The following CRB1 variants were observed in gnomAD, a reference collection of about 807,000 sequenced individuals.
The protein encoded by CRB1 is crumbs cell polarity complex component 1, also known as protein crumbs homolog 1.
In CRB1, 83 loss-of-function variants were observed where a neutral mutation model predicts 120.0. That is an observed-to-expected ratio of 0.69 (90% CI 0.58 to 0.83). The LOEUF is 0.83. Among genes scored for constraint, CRB1 ranks in the 40% least tolerant of loss-of-function variants. CRB1 has a pLI of 0.00. For synonymous variants in CRB1, 625 were observed against 612.5 expected (o/e 1.02, Z -0.30); for missense variants, 1,699 against 1,687.6 (o/e 1.01, Z -0.12).
chr1:197,213,373 G>T, the CRB1 span, among the ~76,000 whole-genome samples: 1 of 152,164 alleles, frequency 6.6e-6, no homozygotes, highest in African/African-American at 2.4e-5. Context: ...ATTTGGGGGA[G>T]CTTCTCCCTA....
At chr1:197,321,031 C>T (rs932390047) in intron 1 of CRB1, among the ~76,000 whole-genome samples, 1 of 152,194 alleles carries the variant, frequency 6.6e-6, no homozygotes, top group Non-Finnish European at 1.5e-5. Flanking sequence ...ACAAGCTATT[C>T]CCATTTCCCT....
rs1420941782 is a variant in CRB1, at chr1:197,328,818, C to A, written c.467C>A (p.Pro156His). 1 of 1,614,104 alleles carries A rather than the reference C, an allele frequency of 6.2e-7. No homozygotes were observed. Among genetic ancestry groups the A allele is most frequent in the Non-Finnish European group, 8.5e-7 (1 of 1,180,008 alleles). The change falls in exon 2 of 12, where the codon CCT (proline) becomes CAT (histidine). Residue 156 changes from proline to histidine, a missense_variant. Physicochemically the swap from Pro to His is moderately conservative, Grantham distance 77 (BLOSUM62 -2). Coordinates refer to ENST00000367400, the MANE Select transcript of CRB1 (RefSeq NM_201253.3). The part of the protein sequence containing the change: ...EIDHDECASS[P>H]CQNGAVCQDG... The stretch of plus-strand genomic sequence containing the variant: ...GATCACGATGAGTGTGCTTCCAGCC[C>A]TTGCCAAAATGGGGCCGTGTGCCAG...
the CRB1 span, among the ~76,000 whole-genome samples, chr1:197,203,450 C>CGAGTAGT: frequency 6.6e-6 from 1 of 152,058 alleles, no homozygotes; most frequent in Non-Finnish European, 1.5e-5. Flanking sequence ...CTCAGCCTCC[C>CGAGTAGT]GAGTAGTGTG....
At chr1:197,219,055 A>G in the CRB1 span, among the ~76,000 whole-genome samples, 1 of 152,186 alleles carries the variant, frequency 6.6e-6, no homozygotes, top group South Asian at 2.1e-4. Flanking sequence ...GCCCAAGTGA[A>G]TTGAAAGTGC....
chr1:197,342,827 G>A (rs1047984637), intron 2 of CRB1, among the ~76,000 whole-genome samples: 2 of 152,130 alleles, frequency 1.3e-5, no homozygotes, highest in Non-Finnish European at 1.5e-5. Flanking sequence ...ATCCAACCTC[G>A]TTGTTAGTAG....
chr1:197,346,094 G>A (rs1037838327), intron 3 of CRB1, among the ~76,000 whole-genome samples: 2 of 152,140 alleles, frequency 1.3e-5, no homozygotes, highest in African/African-American at 4.8e-5. Context: ...CAATGGAAAT[G>A]TAAACAAGGC....
At chr1:197,460,610 T>A (rs1008743246) in intron 11 of CRB1, among the ~76,000 whole-genome samples, 1 of 152,092 alleles carries the variant, frequency 6.6e-6, no homozygotes, top group Non-Finnish European at 1.5e-5. Context: ...TATTTCCACT[T>A]TACAGATGCT....
At chr1:197,263,232 T>C (rs962657417), upstream of CRB1, among the ~76,000 whole-genome samples, 14 of 152,206 alleles carry the variant, frequency 9.2e-5, no homozygotes, top group Admixed American at 2.6e-4. Context: ...CTGACTGGTG[T>C]GAGATGGCAT....
chr1:197,242,115 T>C, the CRB1 span, among the ~76,000 whole-genome samples: 5 of 152,296 alleles, frequency 3.3e-5, no homozygotes, highest in Admixed American at 2.6e-4. Flanking sequence ...TTTCTAAATA[T>C]ACAATTATGT....
rs1659638500 is a variant in CRB1 at position 197,344,262 on chromosome 1, G to A, written c.653-19G>A. The A allele has an allele frequency of 6.2e-7, 1 of 1,613,230 alleles. No homozygotes were observed. Among genetic ancestry groups the A allele is most frequent in the African/African-American group, 1.3e-5 (1 of 74,906 alleles). On this transcript the variant is annotated intron_variant, in intron 2 of 11. Coordinates refer to ENST00000367400, the MANE Select transcript of CRB1 (RefSeq NM_201253.3). Reference sequence around the variant, plus strand: ...TGCTAAAACTTTTTCTGTTTTTTCTGTGCTGACTTTTTTAAAAGGTGTAAA... The same window carrying A: ...TGCTAAAACTTTTTCTGTTTTTTCTATGCTGACTTTTTTAAAAGGTGTAAA...
At chr1:197,237,942 T>A in the CRB1 span, among the ~76,000 whole-genome samples, 1 of 152,182 alleles carries the variant, frequency 6.6e-6, no homozygotes, top group African/African-American at 2.4e-5. Flanking sequence ...TAGCTTCAAT[T>A]ATGGATTTGA....
intron 3 of CRB1, 134 bp from the exon 4 acceptor site, chr1:197,347,206 T>C (rs1208092429): frequency 7.5e-6 from 6 of 803,224 alleles, no homozygotes; most frequent in Non-Finnish European, 1.3e-5. Flanking sequence ...CCTGTATAGA[T>C]AATTCCCCAG....
Position 197,276,183 on chromosome 1 carries a change from ATGCTGTATCCCATAC to A in CRB1, c.70+7728_70+7742del, listed in dbSNP as rs557638248. 6.6e-5 allele frequency among the ~76,000 whole-genome samples: 10 copies of A among 151,958 alleles called. No individual in the cohort carries two copies. The Middle Eastern group carries it at 0.01, about 155-fold the overall frequency. On this transcript the variant is annotated intron_variant, in intron 1 of 11. Transcript: ENST00000367400. Reference sequence around the variant, plus strand: ...AATAATAACACTATGGGATTCAGTCATGCTGTATCCCATACTGCTGTATCCCATACTGCTGTATCC... The same window carrying A: ...AATAATAACACTATGGGATTCAGTCATGCTGTATCCCATACTGCTGTATCC...
chr1:197,331,745 A>G (rs1157881930), intron 2 of CRB1, among the ~76,000 whole-genome samples: 17 of 152,256 alleles, frequency 1.1e-4, no homozygotes, highest in Admixed American at 1.1e-3. Context: ...TTTCAACTAT[A>G]GTATTGTGTA....
the CRB1 span, among the ~76,000 whole-genome samples, chr1:197,256,292 C>A: frequency 1.3e-5 from 2 of 151,614 alleles, no homozygotes; most frequent in Admixed American, 1.3e-4. Context: ...TGGTCTTGTT[C>A]TTTTAGATTT....
the CRB1 span, among the ~76,000 whole-genome samples, chr1:197,229,205 T>G: frequency 1.3e-5 from 2 of 152,212 alleles, no homozygotes; most frequent in Admixed American, 1.3e-4. Flanking sequence ...TCTGTGATAT[T>G]CTGTCGTAGT....
At chr1:197,306,812 A>G (rs1489347636) in intron 1 of CRB1, among the ~76,000 whole-genome samples, 3 of 152,218 alleles carry the variant, frequency 2.0e-5, no homozygotes. Flanking sequence ...TCATTTTCAC[A>G]GCAGACAAAA....
Position 197,435,167 on chromosome 1 carries a change from A to G in CRB1, c.3304A>G (p.Ile1102Val), listed in dbSNP as rs756878234. The G allele has an allele frequency of 1.9e-6, 3 of 1,613,818 alleles. No homozygotes were observed. The highest frequency in any genetic ancestry group is 2.2e-5 in the South Asian group (2 of 91,088). The change falls in exon 9 of 12, where the codon ATC becomes GTC. Residue 1102 changes from isoleucine (I) to valine (V), a missense_variant. Physicochemically the swap from Ile to Val is conservative, Grantham distance 29. Transcript: ENST00000367400. Reference sequence around the variant, plus strand: ...GCAAGGGTGTCTAAGTACAATAGAAATCGGAGGCATTTATCTCTCTTACTT... The same window carrying G: ...GCAAGGGTGTCTAAGTACAATAGAAGTCGGAGGCATTTATCTCTCTTACTT... ...GLQGCLSTIE[I>V]GGIYLSYFEN...
At chr1:197,258,842 A>G in the CRB1 span, among the ~76,000 whole-genome samples, 2 of 152,230 alleles carry the variant, frequency 1.3e-5, no homozygotes, top group Non-Finnish European at 1.5e-5. Flanking sequence ...GATATTAAAT[A>G]AATAATGCAT....
Sources: gnomAD v4.1 joint callset for allele counts (sites outside exome capture counted in the v4.1 genomes callset) on GRCh38, gnomAD v4.1.1 for gene constraint, MANE v1.5 for transcripts, NCBI Gene and HGNC (gene_info 2026-07-23, HGNC 2026-07-21) for gene names.